Variants in GABRA3 observed in about 807,000 individuals in gnomAD.
GABRA3 encodes gamma-aminobutyric acid type A receptor subunit alpha3.
Under a neutral mutation model 30.1 loss-of-function variants are expected in GABRA3, and 10 were observed. The observed-to-expected ratio is 0.33, with a 90% CI of 0.20 to 0.56. The LOEUF (loss-of-function observed/expected upper bound fraction) is 0.56, where lower values mean the gene tolerates loss of function less well. GABRA3 is among the 20% of genes least tolerant of loss of function. The pLI is 0.89. For synonymous variants in GABRA3, 151 were observed against 146.8 expected, an observed-to-expected ratio of 1.03 and a Z score of -0.21; for missense variants, 233 against 392.0, an observed-to-expected ratio of 0.59 and a Z score of 3.42.
intron 1 of GABRA3, among the ~76,000 whole-genome samples, chrX:152,400,884 C>T (rs1031172649): frequency 1.8e-5 from 2 of 111,157 alleles, no homozygotes; most frequent in Admixed American, 1.9e-4. Context: ...TGTAGGTGAC[C>T]TCTAAGAGCT....
chrX:152,182,961 T>C (rs1937204946), intron 9 of GABRA3, among the ~76,000 whole-genome samples: 1 of 104,363 alleles, frequency 9.6e-6, no homozygotes, highest in South Asian at 4.2e-4. Context: ...TTTGGTTTGC[T>C]AGAATTTTGT....
At chrX:152,314,212 T>C (rs1005038868) in intron 3 of GABRA3, among the ~76,000 whole-genome samples, 1 of 111,755 alleles carries the variant, frequency 8.9e-6, no homozygotes, top group Non-Finnish European at 1.9e-5. Flanking sequence ...TCCTGTTGCA[T>C]TTATCACACC....
intron 5 of GABRA3, among the ~76,000 whole-genome samples, chrX:152,248,345 C>T (rs142643648): frequency 7.0e-4 from 78 of 111,525 alleles, no homozygotes; most frequent in African/African-American, 2.3e-3. Context: ...CATGAGTATG[C>T]CACTCAAGGC....
At chrX:152,345,202 G>T (rs943767618) in intron 3 of GABRA3, among the ~76,000 whole-genome samples, 10 of 111,204 alleles carry the variant, frequency 9.0e-5, no homozygotes, top group African/African-American at 2.9e-4. Flanking sequence ...AGGGAGAGAT[G>T]CTCCTCAACT....
At chrX:152,396,082 T>G (rs1929653532) in intron 1 of GABRA3, among the ~76,000 whole-genome samples, 1 of 111,946 alleles carries the variant, frequency 8.9e-6, no homozygotes, top group African/African-American at 3.2e-5. Flanking sequence ...TTAAGATGCC[T>G]TTATAATGGA....
chrX:152,393,514 C>T (rs939521718), intron 1 of GABRA3: 2 of 371,198 alleles, frequency 5.4e-6, no homozygotes. Flanking sequence ...TGAGCAAAAA[C>T]CTACAATATA....
intron 3 of GABRA3, among the ~76,000 whole-genome samples, chrX:152,340,709 CATA>C (rs1415351040): frequency 4.5e-5 from 5 of 111,855 alleles, no homozygotes; most frequent in African/African-American, 1.6e-4. Context: ...TTCATCTGCA[CATA>C]ATGTCTTCTT....
At chrX:152,363,383 GA>G (rs1928566180) in intron 2 of GABRA3, among the ~76,000 whole-genome samples, 1 of 111,757 alleles carries the variant, frequency 8.9e-6, no homozygotes, top group Non-Finnish European at 1.9e-5. Context: ...AGCTACTTTG[GA>G]AAATTACTAT....
intron 1 of GABRA3, chrX:152,394,331 G>A (rs1417275824): frequency 1.1e-5 from 4 of 355,084 alleles, no homozygotes; most frequent in Non-Finnish European, 1.7e-5. Context: ...TGATTCTTCT[G>A]ACAGACATGA....
At chrX:152,211,241 G>T (rs1244368207) in intron 6 of GABRA3, among the ~76,000 whole-genome samples, 1 of 109,318 alleles carries the variant, frequency 9.1e-6, no homozygotes, top group Non-Finnish European at 1.9e-5. Context: ...AAAAAGAAAA[G>T]GAATTTCTTG....
intron 5 of GABRA3, among the ~76,000 whole-genome samples, chrX:152,236,884 T>C (rs953222810): frequency 9.6e-6 from 1 of 104,182 alleles, no homozygotes; most frequent in Non-Finnish European, 2.0e-5. Context: ...CATTGTAGAT[T>C]CTGGATATTA....
intron 1 of GABRA3, among the ~76,000 whole-genome samples, chrX:152,401,287 T>TATAC (rs1302426704): frequency 0.03 from 2,968 of 100,164 alleles, 50 homozygotes; most frequent in African/African-American, 0.041. Context: ...TATATATATA[T>TATAC]ACACACACAC....
chrX:152,414,869 A>C lies in GABRA3; in HGVS notation c.-27+36277T>G, dbSNP rs553631394. 7.2e-3 allele frequency among the ~76,000 whole-genome samples: 787 copies of C among 109,518 alleles called. 7 individuals carry two copies. The highest frequency in any genetic ancestry group is 0.022 in the South Asian group (57 of 2,564). On this transcript the variant is annotated intron_variant, in intron 1 of 9. Coordinates refer to ENST00000370314, the MANE Select transcript of GABRA3 (RefSeq NM_000808.4). ...CTATCGAACCACCAAAAAAAAAAAA[A>C]AAACCATGGAGGAACCTTAAATGTA...
intron 4 of GABRA3, among the ~76,000 whole-genome samples, chrX:152,270,313 C>G (rs911278686): frequency 1.8e-5 from 2 of 111,487 alleles, no homozygotes; most frequent in African/African-American, 3.3e-5. Flanking sequence ...GACGTGTTTG[C>G]TTCCCCATCT....
chrX:152,350,689 A>G (rs1940466121), intron 2 of GABRA3, among the ~76,000 whole-genome samples: 1 of 111,847 alleles, frequency 8.9e-6, no homozygotes, highest in Non-Finnish European at 1.9e-5. Context: ...GCTCCTCTGA[A>G]TCATGAATGC....
At chrX:152,182,310 TATACAC>T (rs1340991008) in intron 9 of GABRA3, among the ~76,000 whole-genome samples, 6 of 93,787 alleles carry the variant, frequency 6.4e-5, no homozygotes, top group Admixed American at 5.9e-4. Flanking sequence ...TATATATATA[TATACAC>T]ACACACACAC....
intron 2 of GABRA3, among the ~76,000 whole-genome samples, chrX:152,358,897 T>A (rs1250690868): frequency 8.9e-6 from 1 of 112,112 alleles, no homozygotes; most frequent in Non-Finnish European, 1.9e-5. Flanking sequence ...CAACCTTGCA[T>A]TCCAGGCATA....
At chrX:152,227,384 GGGT>G (rs554735110) in intron 5 of GABRA3, among the ~76,000 whole-genome samples, 1,431 of 66,686 alleles carry the variant, frequency 0.021, 27 homozygotes, top group Middle Eastern at 0.076. Flanking sequence ...GACTGTTGTG[GGGT>G]GGGGGGAGGG....
intron 7 of GABRA3, among the ~76,000 whole-genome samples, chrX:152,203,104 G>A (rs1420406539): frequency 8.9e-6 from 1 of 111,794 alleles, no homozygotes; most frequent in Non-Finnish European, 1.9e-5. Flanking sequence ...GCCCAGAGAG[G>A]ACACAGACCT....
Sources: allele counts gnomAD v4.1 joint callset (sites outside exome capture counted in the v4.1 genomes callset), GRCh38; gene constraint gnomAD v4.1.1; transcripts MANE v1.5; gene names NCBI Gene and HGNC (gene_info 2026-07-23, HGNC 2026-07-21).